Variants in GEMIN5 observed in about 807,000 individuals in gnomAD.
The protein encoded by GEMIN5 is gem-associated protein 5.
In GEMIN5, 124 loss-of-function variants were observed where a neutral mutation model predicts 176.9. The observed-to-expected ratio is 0.70, with a 90% CI of 0.61 to 0.81. The LOEUF is 0.81. Among genes scored for constraint, GEMIN5 ranks in the 40% least tolerant of loss-of-function variants. GEMIN5 has a pLI of 0.00. For missense variants in GEMIN5, 1,843 were observed against 1,814.6 expected (o/e 1.02, Z -0.28); for synonymous variants, 673 against 665.2 (o/e 1.01, Z -0.18).
At chr5:154,892,189 T>TA (rs1219390423) in intron 25 of GEMIN5, among the ~76,000 whole-genome samples, 198 bp downstream of exon 25, 1 of 152,232 alleles carries the variant, frequency 6.6e-6, no homozygotes, top group Non-Finnish European at 1.5e-5. Context: ...CAGGAGGCTG[T>TA]AAGAGGGTAG....
chr5:154,895,398 C>A (rs1266848146), intron 24 of GEMIN5, among the ~76,000 whole-genome samples: 1 of 149,870 alleles, frequency 6.7e-6, no homozygotes, highest in Non-Finnish European at 1.5e-5. Flanking sequence ...TAAAATAAAT[C>A]AACTGATCTC....
intron 18 of GEMIN5, among the ~76,000 whole-genome samples, chr5:154,903,619 C>A (rs1763509612): frequency 6.6e-6 from 1 of 152,102 alleles, no homozygotes. Flanking sequence ...ACATCTCCAT[C>A]AAGACACAAG....
At chr5:154,913,098 G>A in intron 13 of GEMIN5, 60 bp from the exon 14 acceptor site, 1 of 1,393,382 alleles carries the variant, frequency 7.2e-7, no homozygotes, top group Non-Finnish European at 9.9e-7. Flanking sequence ...ACAAAACAAA[G>A]TACATCCAGG....
At chr5:154,906,172 T>C (rs527580727) in intron 16 of GEMIN5, among the ~76,000 whole-genome samples, 1 of 152,202 alleles carries the variant, frequency 6.6e-6, no homozygotes, top group East Asian at 1.9e-4. Flanking sequence ...ATTTTTATAT[T>C]TTTTGCAAAG....
At chr5:154,888,882 G>A (rs776483168) in intron 27 of GEMIN5, among the ~76,000 whole-genome samples, 22 of 147,486 alleles carry the variant, frequency 1.5e-4, no homozygotes, top group Non-Finnish European at 3.3e-4. Flanking sequence ...TTTTGAGACA[G>A]AGTCTCGCTC....
chr5:154,892,667 A>G, intron 24 of GEMIN5, 118 bp from the exon 25 acceptor site: 2 of 1,002,382 alleles, frequency 2.0e-6, no homozygotes, highest in Non-Finnish European at 2.9e-6. Context: ...CACACTTTGA[A>G]AGTTCCTCTT....
rs958255766 is a variant in GEMIN5 at position 154,901,115 on chromosome 5, C to T, written c.3014+224G>A. On this transcript the variant is annotated intron_variant, in intron 21 of 27. Coordinates refer to ENST00000285873, the MANE Select transcript of GEMIN5 (RefSeq NM_015465.5). ...CTGAGGCACGAGGATCGCTTGAGCC[C>T]AGGAGTTGGCAATCAGCTTGGACAA... Among the ~76,000 whole-genome samples, 3 of 152,134 alleles carry T rather than the reference C, an allele frequency of 2.0e-5. 1 individual carries two copies. The highest frequency in any genetic ancestry group is 7.2e-5 in the African/African-American group (3 of 41,438).
At chr5:154,904,822 T>C (rs1178992962) in intron 17 of GEMIN5, among the ~76,000 whole-genome samples, 193 bp from the exon 18 acceptor site, 5 of 152,344 alleles carry the variant, frequency 3.3e-5, no homozygotes, top group Admixed American at 1.3e-4. Flanking sequence ...ACGCTCTTGC[T>C]AACATTTATG....
Position 154,893,250 on chromosome 5 carries a change from G to A in GEMIN5, c.3598-701C>T, listed in dbSNP as rs1263072376. On this transcript the variant is annotated intron_variant, in intron 24 of 27. Coordinates refer to ENST00000285873, the MANE Select transcript of GEMIN5 (RefSeq NM_015465.5). ...GGCGGATCACCCGAGGTGAAAGCCCGTCTCTAAAAAAAAAAAAAAAAAAAA... is the reference window on the plus strand; with the variant it reads ...GGCGGATCACCCGAGGTGAAAGCCCATCTCTAAAAAAAAAAAAAAAAAAAA... 2.0e-4 allele frequency among the ~76,000 whole-genome samples: 21 copies of A among 103,218 alleles called. No homozygotes were observed. The South Asian group carries it at 2.4e-3, about 12-fold the overall frequency. 67.7% of individuals were successfully genotyped at this position (103,218 alleles called of 152,430 possible).
At chr5:154,893,204 T>C (rs1015130818) in intron 24 of GEMIN5, among the ~76,000 whole-genome samples, 1 of 135,534 alleles carries the variant, frequency 7.4e-6, no homozygotes, top group Non-Finnish European at 1.5e-5. Flanking sequence ...TATAACCCCA[T>C]CACTTTGGGA....
intron 21 of GEMIN5, 52 bp downstream of exon 21, chr5:154,901,287 G>A (rs1237114560): frequency 1.3e-6 from 2 of 1,526,418 alleles, no homozygotes; most frequent in African/African-American, 2.8e-5. Flanking sequence ...AGAAGTTTAG[G>A]TTATTTTCAC....
rs1404910493 is a variant in GEMIN5, at chr5:154,888,087, T to C, written c.*123A>G. The C allele has an allele frequency of 1.1e-6, 1 of 894,126 alleles. No individual in the cohort carries two copies. Among genetic ancestry groups the C allele is most frequent in the African/African-American group, 1.7e-5 (1 of 59,672 alleles). The allele number at this position is 894,126 out of a possible 1,614,324, so 55.4% of individuals were successfully genotyped here. ...TTGATTCAAACTTAATCCTTGTTTG[T>C]ATTCTTTTGGATTACTGCAAAAACA... On this transcript the variant is annotated 3_prime_UTR_variant, in exon 28 of 28. Coordinates refer to ENST00000285873, the MANE Select transcript of GEMIN5 (RefSeq NM_015465.5).
chr5:154,892,769 A>T (rs541276422), intron 24 of GEMIN5: 4 of 518,406 alleles, frequency 7.7e-6, no homozygotes, highest in African/African-American at 3.8e-5. Flanking sequence ...AAGTCTGTTC[A>T]CACTGAGAAA....
chr5:154,916,964 A>T, intron 13 of GEMIN5, 34 bp downstream of exon 13: 1 of 1,241,956 alleles, frequency 8.1e-7, no homozygotes, highest in Non-Finnish European at 1.1e-6. Context: ...TGAACAAACG[A>T]TATCATCCCC....
chr5:154,909,431 A>G (rs1384635962), intron 15 of GEMIN5, among the ~76,000 whole-genome samples: 1 of 151,934 alleles, frequency 6.6e-6, no homozygotes, highest in Non-Finnish European at 1.5e-5. Context: ...TTACATTTAC[A>G]TTTTTAAGGT....
chr5:154,899,914 T>C (rs963508347), intron 21 of GEMIN5, among the ~76,000 whole-genome samples: 2 of 151,504 alleles, frequency 1.3e-5, no homozygotes, highest in Non-Finnish European at 1.5e-5. Context: ...TGCTTTTTCA[T>C]AGAACCTTCT....
chr5:154,935,826 T>G lies in GEMIN5; in HGVS notation c.509+15A>C. 1 of 1,567,070 alleles carries G rather than the reference T, an allele frequency of 6.4e-7. No individual in the cohort carries two copies. The highest frequency in any genetic ancestry group is 1.1e-5 in the South Asian group (1 of 87,968). Reference sequence around the variant, plus strand: ...AACAAACAAAAATCATCAATACAGATGGCATAGTACTTACCCAATGGCTAC... The same window carrying G: ...AACAAACAAAAATCATCAATACAGAGGGCATAGTACTTACCCAATGGCTAC... On this transcript the variant is annotated intron_variant, in intron 3 of 27. Coordinates refer to ENST00000285873, the MANE Select transcript of GEMIN5 (RefSeq NM_015465.5).
intron 23 of GEMIN5, 71 bp from the exon 24 acceptor site, chr5:154,896,414 G>A (rs947688385): frequency 2.1e-5 from 30 of 1,433,882 alleles, no homozygotes; most frequent in African/African-American, 2.9e-5. Flanking sequence ...GAGCTCTCCC[G>A]TGTCCTTCAA....
chr5:154,891,750 A>T lies in GEMIN5; in HGVS notation c.3761-8T>A, dbSNP rs755352269. ...CTCTTAGGTGGTCACAGCCTAGGAA[A>T]AGAGGAAAAAGATACTGGGTCATGC... On this transcript the variant is annotated splice_region_variant and splice_polypyrimidine_tract_variant and intron_variant, in intron 25 of 27. Transcript: ENST00000285873. 5 of 1,565,550 alleles carry T rather than the reference A, an allele frequency of 3.2e-6. No individual in the cohort carries two copies. The highest frequency in any genetic ancestry group is 4.3e-6 in the Non-Finnish European group (5 of 1,163,588).
Sources: gnomAD v4.1 joint callset for allele counts (sites outside exome capture counted in the v4.1 genomes callset) on GRCh38, gnomAD v4.1.1 for gene constraint, MANE v1.5 for transcripts, NCBI Gene and HGNC (gene_info 2026-07-23, HGNC 2026-07-21) for gene names.